Variants in EXOC6B observed in about 807,000 individuals in gnomAD.
EXOC6B encodes exocyst complex component 6B, also known as SEC15 homolog B.
EXOC6B carries 54 observed loss-of-function variants against 113.5 expected under a neutral mutation model. That is an observed-to-expected ratio of 0.48 (90% CI 0.38 to 0.60). The LOEUF (loss-of-function observed/expected upper bound fraction) is 0.60, where lower values mean the gene tolerates loss of function less well. EXOC6B is among the 20% of genes least tolerant of loss of function. EXOC6B has a pLI of 0.00. For missense variants in EXOC6B, 797 were observed against 977.5 expected, an observed-to-expected ratio of 0.82 and a Z score of 2.46; for synonymous variants, 357 against 339.0, an observed-to-expected ratio of 1.05 and a Z score of -0.58.
At chr2:72,642,033 T>C (rs1250804741) in intron 6 of EXOC6B, among the ~76,000 whole-genome samples, 1 of 151,972 alleles carries the variant, frequency 6.6e-6, no homozygotes, top group Non-Finnish European at 1.5e-5. Context: ...CAGAAAGAAA[T>C]AGCATCAACA....
In EXOC6B at chr2:72,643,403, C is replaced by T. The variant is rs1292204292; in HGVS notation, c.670-67735G>A. On this transcript the variant is annotated intron_variant, in intron 6 of 21. Coordinates refer to ENST00000272427, the MANE Select transcript of EXOC6B (RefSeq NM_015189.3). The stretch of plus-strand genomic sequence containing the variant: ...GACAGACTGGATTAAGAAAATGTGG[C>T]ACATATACACCATGGAATACTATGC... 1.3e-3 allele frequency among the ~76,000 whole-genome samples: 190 copies of T among 147,920 alleles called. 1 individual carries two copies. Among genetic ancestry groups the T allele is most frequent in the African/African-American group, 4.4e-3 (176 of 39,668 alleles).
intron 20 of EXOC6B, among the ~76,000 whole-genome samples, chr2:72,238,657 T>C (rs937346859): frequency 6.6e-6 from 1 of 152,250 alleles, no homozygotes; most frequent in Non-Finnish European, 1.5e-5. Flanking sequence ...TGACTAATGA[T>C]GCTAAGCATT....
At chr2:72,484,230 T>TAA (rs1699284388) in intron 16 of EXOC6B, among the ~76,000 whole-genome samples, 1 of 151,172 alleles carries the variant, frequency 6.6e-6, no homozygotes, top group Admixed American at 6.6e-5. Flanking sequence ...TATGTCATGG[T>TAA]GGTTTGCTGC....
intron 6 of EXOC6B, among the ~76,000 whole-genome samples, chr2:72,712,170 T>C (rs1483243607): frequency 6.6e-6 from 1 of 152,192 alleles, no homozygotes; most frequent in East Asian, 1.9e-4. Context: ...TAAACAAGAC[T>C]ATACAATTGT....
intron 6 of EXOC6B, among the ~76,000 whole-genome samples, chr2:72,685,696 T>C (rs557952834): frequency 6.6e-4 from 100 of 152,298 alleles, no homozygotes; most frequent in African/African-American, 2.2e-3. Context: ...CAGCCTTGAA[T>C]TGTAACATGG....
intron 20 of EXOC6B, among the ~76,000 whole-genome samples, chr2:72,299,846 T>C (rs896871685): frequency 9.9e-5 from 15 of 152,162 alleles, no homozygotes; most frequent in African/African-American, 3.4e-4. Flanking sequence ...CAGACCCTGT[T>C]TGCCTGGGTA....
chr2:72,256,899 T>C (rs1276262524), intron 20 of EXOC6B, among the ~76,000 whole-genome samples: 1 of 152,144 alleles, frequency 6.6e-6, no homozygotes, highest in Non-Finnish European at 1.5e-5. Context: ...GAGCTGTGTA[T>C]ATGTATGAAC....
At chr2:72,508,229 T>G (rs1254933658) in intron 11 of EXOC6B, among the ~76,000 whole-genome samples, 2 of 149,448 alleles carry the variant, frequency 1.3e-5, no homozygotes, top group Non-Finnish European at 3.0e-5. Context: ...TTAAATATTT[T>G]ACCAAAAGAC....
intron 13 of EXOC6B, 69 bp downstream of exon 13, chr2:72,498,385 C>T (rs553463843): frequency 2.9e-5 from 31 of 1,053,560 alleles, no homozygotes; most frequent in Admixed American, 1.7e-4. Context: ...AAAACCTTTG[C>T]GCATAAATAC....
At chr2:72,536,875 G>A (rs1037906000) in intron 8 of EXOC6B, among the ~76,000 whole-genome samples, 9 of 152,104 alleles carry the variant, frequency 5.9e-5, no homozygotes, top group Non-Finnish European at 1.2e-4. Context: ...TTAAATTGAG[G>A]AGAAATTAAC....
intron 1 of EXOC6B, among the ~76,000 whole-genome samples, chr2:72,787,086 C>T (rs370036503): frequency 1.1e-4 from 16 of 152,196 alleles, no homozygotes; most frequent in African/African-American, 3.1e-4. Flanking sequence ...ACCTAACAAC[C>T]TTAAATATAT....
chr2:72,336,248 T>TA (rs1335838293), intron 19 of EXOC6B, among the ~76,000 whole-genome samples: 3 of 152,176 alleles, frequency 2.0e-5, no homozygotes, highest in African/African-American at 7.2e-5. Context: ...TTGCAATCAA[T>TA]AAAATCTATC....
chr2:72,648,060 A>G (rs1208513361), intron 6 of EXOC6B, among the ~76,000 whole-genome samples: 1 of 152,230 alleles, frequency 6.6e-6, no homozygotes, highest in African/African-American at 2.4e-5. Context: ...CAGAATCTAC[A>G]AAGTACTTAA....
chr2:72,477,323 C>T (rs1479959818), intron 17 of EXOC6B, among the ~76,000 whole-genome samples: 3 of 152,148 alleles, frequency 2.0e-5, no homozygotes, highest in Non-Finnish European at 4.4e-5. Context: ...CAGTATTCAT[C>T]CAGTGTTCTG....
chr2:72,722,745 T>C (rs942743884), intron 5 of EXOC6B, among the ~76,000 whole-genome samples: 3 of 152,156 alleles, frequency 2.0e-5, no homozygotes, highest in Admixed American at 2.0e-4. Flanking sequence ...TTAGAACGGA[T>C]AGAAAGCCAA....
intron 21 of EXOC6B, 59 bp from the exon 22 acceptor site, chr2:72,179,520 A>G: frequency 6.2e-7 from 1 of 1,603,410 alleles, no homozygotes; most frequent in Non-Finnish European, 8.5e-7. Flanking sequence ...GTGGAAGGAG[A>G]ACCTGCAGGA....
intron 20 of EXOC6B, among the ~76,000 whole-genome samples, chr2:72,322,921 T>C (rs1018465386): frequency 3.3e-5 from 5 of 152,114 alleles, no homozygotes; most frequent in African/African-American, 9.7e-5. Flanking sequence ...ATTCAGGACA[T>C]AGGCATGGGC....
Position 72,815,149 on chromosome 2 carries a change from C to T in EXOC6B, c.113+10649G>A, listed in dbSNP as rs1436817995. On this transcript the variant is annotated intron_variant, in intron 1 of 21. Transcript: ENST00000272427. ...ACATACTCGTCATGCATTTAAGCAA[C>T]ATATAACCATCAAAGGTTTTTTACC... is the stretch of plus-strand genomic sequence containing the variant. 3.3e-5 allele frequency among the ~76,000 whole-genome samples: 5 copies of T among 152,000 alleles called. No homozygotes were observed. The East Asian group carries it at 9.7e-4, about 29-fold the overall frequency.
intron 6 of EXOC6B, among the ~76,000 whole-genome samples, chr2:72,673,521 T>G (rs547052057): frequency 6.8e-4 from 104 of 152,270 alleles, no homozygotes; most frequent in African/African-American, 2.4e-3. Context: ...TTTAACATTA[T>G]GTAAGCCCAG....
Sources: allele counts gnomAD v4.1 joint callset (sites outside exome capture counted in the v4.1 genomes callset), GRCh38; gene constraint gnomAD v4.1.1; transcripts MANE v1.5; gene names NCBI Gene and HGNC (gene_info 2026-07-23, HGNC 2026-07-21).